The following IFT43 variants were observed in gnomAD, a reference collection of about 807,000 sequenced individuals.
IFT43 encodes the protein intraflagellar transport 43.
A neutral mutation model predicts 32.3 loss-of-function variants in IFT43; 33 were observed. The ratio of observed to expected loss-of-function variants is 1.02; its 90% CI spans 0.77 to 1.37. The LOEUF is 1.37. Ranked by LOEUF, IFT43 falls within the 40% of genes most tolerant of loss-of-function variation. The probability of loss-of-function intolerance (pLI) is 0.00; values close to 1 mark genes in which losing one functional copy is unlikely to be tolerated. For synonymous variants in IFT43, 93 were observed against 98.2 expected, an observed-to-expected ratio of 0.95 and a Z score of 0.31; for missense variants, 274 against 265.9, an observed-to-expected ratio of 1.03 and a Z score of -0.21.
At chr14:76,060,829 TCTTC>T (rs145202057) in intron 5 of IFT43, among the ~76,000 whole-genome samples, 62,152 of 130,110 alleles carry the variant, frequency 0.48, 15,497 homozygotes, top group Middle Eastern at 0.56. Flanking sequence ...TCCCTCCCTT[TCTTC>T]CTTCCTTCCT....
chr14:76,041,292 G>A (rs559577877), intron 3 of IFT43, among the ~76,000 whole-genome samples: 1 of 152,318 alleles, frequency 6.6e-6, no homozygotes, highest in East Asian at 1.9e-4. Context: ...AAAGTTGGAG[G>A]GTCTTAGAAG....
chr14:76,038,363 T>G (rs1344626371), intron 3 of IFT43, among the ~76,000 whole-genome samples: 4 of 152,180 alleles, frequency 2.6e-5, no homozygotes, highest in Non-Finnish European at 5.9e-5. Flanking sequence ...CGTCATGCAT[T>G]TTGCCCTGCA....
At chr14:76,028,821 G>GGT (rs1442579507) in intron 3 of IFT43, among the ~76,000 whole-genome samples, 1 of 152,020 alleles carries the variant, frequency 6.6e-6, no homozygotes, top group Non-Finnish European at 1.5e-5. Context: ...AGTATTCTAT[G>GGT]GTATATATAT....
At position 75,991,516 on chromosome 14, in the gene IFT43, C is replaced by G. The variant is rs369358447; in HGVS notation, c.147+2539C>G. On this transcript the variant is annotated intron_variant, in intron 2 of 8. Coordinates refer to ENST00000314067, the MANE Select transcript of IFT43 (RefSeq NM_001102564.3). ...TAGGTGAATGAGCCTGTGATGACCT[C>G]ATTAGGCCTTGAAGCCTTATATGAC... 1.2e-3 allele frequency among the ~76,000 whole-genome samples: 184 copies of G among 151,864 alleles called. 5 individuals are homozygous for G. The South Asian group carries it at 0.036, about 30-fold the overall frequency.
intron 2 of IFT43, among the ~76,000 whole-genome samples, chr14:76,013,172 C>A (rs1343554133): frequency 6.6e-6 from 1 of 152,202 alleles, no homozygotes; most frequent in Non-Finnish European, 1.5e-5. Flanking sequence ...GGAGTAAATT[C>A]TTCTTCCTGT....
chr14:76,055,219 A>G lies in IFT43; in HGVS notation c.216-3423A>G, dbSNP rs562206248. Among the ~76,000 whole-genome samples, 8 of 152,070 alleles carry G rather than the reference A, an allele frequency of 5.3e-5. No homozygotes were observed. In the South Asian group the frequency reaches 1.7e-3, roughly 32 times the overall value. On this transcript the variant is annotated intron_variant, in intron 3 of 8. Transcript: ENST00000314067. Reference sequence around the variant, plus strand: ...AAATTAGCCAGGCACGGTGGCACGCACTTGTAGTCCCAGCTACTCAGGAGG... The same window carrying G: ...AAATTAGCCAGGCACGGTGGCACGCGCTTGTAGTCCCAGCTACTCAGGAGG...
chr14:76,083,818 T>A (rs1449297433), downstream of IFT43: 1 of 654,790 alleles, frequency 1.5e-6, no homozygotes, highest in Admixed American at 2.1e-5. Context: ...AACCAGCTGA[T>A]AGGAACTCAG....
chr14:76,071,401 G>A (rs2037318496), intron 5 of IFT43, among the ~76,000 whole-genome samples: 1 of 152,206 alleles, frequency 6.6e-6, no homozygotes, highest in African/African-American at 2.4e-5. Context: ...TTACAGAGGA[G>A]GAAACCAAAA....
intron 2 of IFT43, among the ~76,000 whole-genome samples, chr14:75,990,931 A>T (rs998375969): frequency 1.3e-5 from 2 of 152,310 alleles, no homozygotes; most frequent in Admixed American, 6.5e-5. Context: ...AGTGCCAGGC[A>T]CCATTTTGCA....
intron 3 of IFT43, among the ~76,000 whole-genome samples, chr14:76,024,132 T>C (rs1444123435): frequency 6.6e-6 from 1 of 152,246 alleles, no homozygotes; most frequent in Non-Finnish European, 1.5e-5. Context: ...CAATGATTGA[T>C]ATCCCCTTGG....
At chr14:76,029,296 A>G (rs1044206511) in intron 3 of IFT43, among the ~76,000 whole-genome samples, 2 of 152,188 alleles carry the variant, frequency 1.3e-5, no homozygotes, top group African/African-American at 4.8e-5. Flanking sequence ...GCCTTTGCCC[A>G]CTTTTTAATG....
intron 5 of IFT43, among the ~76,000 whole-genome samples, chr14:76,060,048 T>A (rs1302833702): frequency 6.6e-6 from 1 of 152,170 alleles, no homozygotes; most frequent in Non-Finnish European, 1.5e-5. Flanking sequence ...AGTTAGTTAA[T>A]GGCTAGCTAT....
chr14:75,996,515 A>G (rs1359800990), intron 2 of IFT43, among the ~76,000 whole-genome samples: 1 of 152,264 alleles, frequency 6.6e-6, no homozygotes, highest in Admixed American at 6.5e-5. Flanking sequence ...TGTCCAAGAT[A>G]CAGAGATATT....
chr14:76,032,793 T>C lies in IFT43; in HGVS notation c.215+10399T>C, dbSNP rs539588966. Among the ~76,000 whole-genome samples the C allele has an allele frequency of 5.4e-4, 82 of 151,628 alleles. 1 individual carries two copies. The highest frequency in any genetic ancestry group is 1.8e-3 in the African/African-American group (72 of 40,996). On this transcript the variant is annotated intron_variant, in intron 3 of 8. Transcript: ENST00000314067. The stretch of plus-strand genomic sequence containing the variant: ...GGGATAAGAGCCTAAACCAGGGCCA[T>C]GTTGTGAGGATGGAAAGGAAAGATG...
intron 3 of IFT43, among the ~76,000 whole-genome samples, chr14:76,032,434 T>C (rs1230710773): frequency 1.3e-5 from 2 of 152,202 alleles, no homozygotes; most frequent in Non-Finnish European, 2.9e-5. Flanking sequence ...CCCAAAGTCC[T>C]TACCATGGCT....
downstream of IFT43, chr14:76,083,799 C>G (rs991732027): frequency 4.4e-6 from 3 of 682,616 alleles, no homozygotes; most frequent in African/African-American, 1.8e-5. Context: ...TGAAGGAGAA[C>G]AGCTTTTAAA....
intron 3 of IFT43, among the ~76,000 whole-genome samples, chr14:76,051,211 T>C (rs769831854): frequency 6.8e-6 from 1 of 146,998 alleles, no homozygotes; most frequent in Non-Finnish European, 1.5e-5. Context: ...GAAAATATGG[T>C]ACCTAGCGGC....
chr14:76,064,111 C>G (rs758392341), intron 5 of IFT43, among the ~76,000 whole-genome samples: 26 of 152,294 alleles, frequency 1.7e-4, no homozygotes, highest in Admixed American at 3.3e-4. Context: ...TCTCATCATT[C>G]TCCAGTCTTT....
intron 2 of IFT43, 62 bp downstream of exon 2, chr14:75,989,039 T>G: frequency 6.3e-7 from 1 of 1,588,244 alleles, no homozygotes; most frequent in African/African-American, 1.3e-5. Flanking sequence ...GATTCCTTAA[T>G]GACCAAGGAT....
Sources: gnomAD v4.1 joint callset for allele counts (sites outside exome capture counted in the v4.1 genomes callset) on GRCh38, gnomAD v4.1.1 for gene constraint, MANE v1.5 for transcripts, NCBI Gene and HGNC (gene_info 2026-07-23, HGNC 2026-07-21) for gene names.